The following CALN1 variants were observed in gnomAD, a reference collection of about 807,000 sequenced individuals.
The protein encoded by CALN1 is calcium-binding protein 8.
Under a neutral mutation model 30.6 loss-of-function variants are expected in CALN1, and 17 were observed. The ratio of observed to expected loss-of-function variants is 0.56; its 90% CI spans 0.38 to 0.83. The LOEUF (loss-of-function observed/expected upper bound fraction) is 0.83, where lower values mean the gene tolerates loss of function less well. Among genes scored for constraint, CALN1 ranks in the 40% least tolerant of loss-of-function variants. CALN1 has a pLI of 0.00. For missense variants in CALN1, 291 were observed against 354.9 expected, an observed-to-expected ratio of 0.82 and a Z score of 1.45; for synonymous variants, 156 against 131.4, an observed-to-expected ratio of 1.19 and a Z score of -1.28.
At chr7:71,798,851 C>CCTGA (rs931933224) in intron 6 of CALN1, among the ~76,000 whole-genome samples, 4 of 151,584 alleles carry the variant, frequency 2.6e-5, no homozygotes, top group African/African-American at 9.7e-5. Flanking sequence ...GTCTCCAACT[C>CCTGA]CTGACCTCGT....
chr7:71,922,722 A>G (rs1237756259), intron 5 of CALN1, among the ~76,000 whole-genome samples: 1 of 138,918 alleles, frequency 7.2e-6, no homozygotes, highest in Non-Finnish European at 1.5e-5. Context: ...ATATAAATAT[A>G]TAACATACAG....
chr7:72,373,568 G>C (rs1585606468), intron 2 of CALN1, among the ~76,000 whole-genome samples: 1 of 152,180 alleles, frequency 6.6e-6, no homozygotes, highest in Non-Finnish European at 1.5e-5. Context: ...GCTTGTGTTA[G>C]GTGATTTTTC....
chr7:72,120,854 T>A (rs1458715398), intron 3 of CALN1, among the ~76,000 whole-genome samples: 1 of 151,918 alleles, frequency 6.6e-6, no homozygotes, highest in Non-Finnish European at 1.5e-5. Flanking sequence ...GAACCCCACA[T>A]GCAGCACAGG....
At chr7:72,157,664 G>C (rs1787800090) in intron 3 of CALN1, among the ~76,000 whole-genome samples, 1 of 152,182 alleles carries the variant, frequency 6.6e-6, no homozygotes, top group South Asian at 2.1e-4. Context: ...TGGAGGGACA[G>C]ACCTTTCCAA....
chr7:71,820,011 G>T (rs1416407837), intron 5 of CALN1, among the ~76,000 whole-genome samples: 1 of 152,084 alleles, frequency 6.6e-6, no homozygotes, highest in Non-Finnish European at 1.5e-5. Context: ...CTCCCTTTTG[G>T]AATTCAGGCC....
At chr7:72,423,817 A>C (rs1198501265) in intron 1 of CALN1, among the ~76,000 whole-genome samples, 1 of 142,734 alleles carries the variant, frequency 7.0e-6, no homozygotes, top group Non-Finnish European at 1.5e-5. Flanking sequence ...ACCTTGTCTC[A>C]AAAAAAAAAG....
chr7:72,479,462 C>T, the CALN1 span, among the ~76,000 whole-genome samples: 1 of 151,522 alleles, frequency 6.6e-6, no homozygotes, highest in Non-Finnish European at 1.5e-5. Context: ...TTTTGCTTAA[C>T]ATAAGGTCAC....
At chr7:72,059,475 A>G (rs1203409407) in intron 4 of CALN1, among the ~76,000 whole-genome samples, 2 of 152,108 alleles carry the variant, frequency 1.3e-5, no homozygotes, top group Non-Finnish European at 2.9e-5. Flanking sequence ...AAAAAAAGCC[A>G]GTAAGTCAAT....
intron 5 of CALN1, among the ~76,000 whole-genome samples, chr7:71,972,858 A>T (rs1462380764): frequency 2.6e-5 from 4 of 152,134 alleles, no homozygotes; most frequent in African/African-American, 7.2e-5. Flanking sequence ...GTGTGGGCAG[A>T]GTGTGATCTC....
chr7:72,395,856 G>C (rs1355374740), intron 2 of CALN1, among the ~76,000 whole-genome samples: 1 of 152,156 alleles, frequency 6.6e-6, no homozygotes, highest in African/African-American at 2.4e-5. Flanking sequence ...TGGGACCTTG[G>C]CAGGGATGTC....
At chr7:72,082,685 G>C (rs1336971829) in intron 4 of CALN1, among the ~76,000 whole-genome samples, 2 of 152,158 alleles carry the variant, frequency 1.3e-5, no homozygotes, top group Non-Finnish European at 2.9e-5. Context: ...AGAAAGTCCT[G>C]ATGTTACCCT....
At chr7:72,353,528 A>G (rs999630824) in intron 2 of CALN1, among the ~76,000 whole-genome samples, 26 of 152,178 alleles carry the variant, frequency 1.7e-4, no homozygotes, top group Non-Finnish European at 2.1e-4. Context: ...TTCAACACCT[A>G]TTCTCCATGA....
intron 3 of CALN1, among the ~76,000 whole-genome samples, chr7:72,215,551 G>A (rs1011158834): frequency 1.4e-5 from 2 of 138,014 alleles, no homozygotes; most frequent in African/African-American, 2.8e-5. Context: ...CTGAGATCAC[G>A]CCACTGCACT....
At chr7:72,087,683 G>A (rs1354198781) in intron 4 of CALN1, among the ~76,000 whole-genome samples, 1 of 152,142 alleles carries the variant, frequency 6.6e-6, no homozygotes, top group Non-Finnish European at 1.5e-5. Context: ...GGAAATATAT[G>A]TATGAGAATA....
intron 3 of CALN1, among the ~76,000 whole-genome samples, chr7:72,142,243 T>C (rs62462826): frequency 0.31 from 47,359 of 151,984 alleles, 7,870 homozygotes; most frequent in Non-Finnish European, 0.35. Context: ...AAGGGACAAA[T>C]GGCACCTGGA....
chr7:71,996,259 C>G (rs533080377), intron 5 of CALN1, among the ~76,000 whole-genome samples: 274 of 152,264 alleles, frequency 1.8e-3, no homozygotes, highest in South Asian at 6.4e-3. Flanking sequence ...GATGAAATAT[C>G]TGCGATAATA....
At chr7:72,203,926 A>T (rs564174245) in intron 3 of CALN1, among the ~76,000 whole-genome samples, 73 of 150,172 alleles carry the variant, frequency 4.9e-4, no homozygotes, top group Non-Finnish European at 9.0e-4. Flanking sequence ...GTTACCTTTC[A>T]TAATGTTCTT....
chr7:72,314,847 A>C (rs1320195992), intron 2 of CALN1, among the ~76,000 whole-genome samples: 2 of 151,392 alleles, frequency 1.3e-5, no homozygotes, highest in African/African-American at 4.8e-5. Flanking sequence ...TTAAAAAAAA[A>C]AAAACAAAAA....
chr7:72,301,296 C>T (rs1359748269), intron 2 of CALN1, among the ~76,000 whole-genome samples: 1 of 151,852 alleles, frequency 6.6e-6, no homozygotes, highest in Non-Finnish European at 1.5e-5. Flanking sequence ...GTTTCCCACC[C>T]CTAGAAAAAG....
Sources: gnomAD v4.1 joint callset for allele counts (sites outside exome capture counted in the v4.1 genomes callset) on GRCh38, gnomAD v4.1.1 for gene constraint, MANE v1.5 for transcripts, NCBI Gene and HGNC (gene_info 2026-07-23, HGNC 2026-07-21) for gene names.